The following PBX1 variants were observed in gnomAD, a reference collection of about 807,000 sequenced individuals.
The protein encoded by PBX1 is pre-B-cell leukemia transcription factor 1.
In PBX1, 6 loss-of-function variants were observed where a neutral mutation model predicts 53.4. That is an observed-to-expected ratio of 0.11 (90% CI 0.06 to 0.22). The LOEUF (loss-of-function observed/expected upper bound fraction) is 0.22, where lower values mean the gene tolerates loss of function less well. Ranked by LOEUF, PBX1 falls within the 10% of genes least tolerant of loss-of-function variation. PBX1 has a pLI of 1.00. For synonymous variants in PBX1, 204 were observed against 212.3 expected (o/e 0.96, Z 0.34); for missense variants, 251 against 551.4 (o/e 0.46, Z 5.46).
intron 2 of PBX1, among the ~76,000 whole-genome samples, chr1:164,773,945 T>C (rs1667519275): frequency 6.6e-6 from 1 of 152,218 alleles, no homozygotes; most frequent in African/African-American, 2.4e-5. Flanking sequence ...CGACTCCCCA[T>C]GTTAGTGAAG....
At chr1:164,728,920 C>A (rs571068631) in intron 2 of PBX1, among the ~76,000 whole-genome samples, 13 of 152,334 alleles carry the variant, frequency 8.5e-5, no homozygotes, top group East Asian at 3.9e-4. Context: ...GAATTTGATA[C>A]GCCAAGTGGG....
At chr1:164,598,611 TA>T (rs1655933995) in intron 2 of PBX1, among the ~76,000 whole-genome samples, 2 of 152,248 alleles carry the variant, frequency 1.3e-5, no homozygotes, top group African/African-American at 4.8e-5. Context: ...CAGTATGTGG[TA>T]AATTCCTTGA....
At chr1:164,878,866 C>G (rs1393780632) in intron 2 of PBX1, among the ~76,000 whole-genome samples, 1 of 152,136 alleles carries the variant, frequency 6.6e-6, no homozygotes, top group African/African-American at 2.4e-5. Context: ...TTAGGGTTAA[C>G]TATGAGACAG....
intron 4 of PBX1, among the ~76,000 whole-genome samples, chr1:164,800,929 C>T (rs976453300): frequency 6.6e-6 from 1 of 152,094 alleles, no homozygotes; most frequent in Non-Finnish European, 1.5e-5. Flanking sequence ...TTTATTACTC[C>T]TCTTGAATTT....
At chr1:164,591,011 A>ATTTT (rs34197119) in intron 2 of PBX1, among the ~76,000 whole-genome samples, 9 of 126,948 alleles carry the variant, frequency 7.1e-5, no homozygotes, top group Non-Finnish European at 1.2e-4. Context: ...CACTTGGCTA[A>ATTTT]TTTTTTTTTT....
chr1:164,612,257 G>A (rs1656984775), intron 2 of PBX1, among the ~76,000 whole-genome samples: 2 of 152,140 alleles, frequency 1.3e-5, no homozygotes, highest in African/African-American at 4.8e-5. Context: ...CCTTGTAGAA[G>A]CAGGCTTGGG....
chr1:164,858,317 G>T (rs1372768656), intron 2 of PBX1, among the ~76,000 whole-genome samples: 2 of 152,146 alleles, frequency 1.3e-5, no homozygotes, highest in East Asian at 1.9e-4. Flanking sequence ...TTAGCCTCAG[G>T]TTTGTAAAAA....
At chr1:164,790,709 C>T (rs1439215345) in intron 2 of PBX1, among the ~76,000 whole-genome samples, 1 of 152,226 alleles carries the variant, frequency 6.6e-6, no homozygotes, top group Admixed American at 6.5e-5. Flanking sequence ...TCCTTTTGGC[C>T]TAGGAATTGG....
At chr1:164,839,130 G>A (rs1319096426) in intron 8 of PBX1, among the ~76,000 whole-genome samples, 5 of 152,106 alleles carry the variant, frequency 3.3e-5, no homozygotes, top group Admixed American at 1.3e-4. Flanking sequence ...TGGCTTGTCT[G>A]TTTTCTGTTC....
At chr1:164,829,881 C>T (rs1018833845) in intron 8 of PBX1, 4 of 151,430 alleles carry the variant, frequency 2.6e-5, no homozygotes, top group Non-Finnish European at 5.9e-5. Context: ...AGAATTAATA[C>T]TGATTAGCTG....
intron 1 of PBX1, among the ~76,000 whole-genome samples, chr1:164,561,011 T>A (rs1653002023): frequency 6.6e-6 from 1 of 152,208 alleles, no homozygotes; most frequent in African/African-American, 2.4e-5. Flanking sequence ...TTACAGTAAA[T>A]TCTCTTTTAA....
intron 2 of PBX1, among the ~76,000 whole-genome samples, chr1:164,570,849 C>T (rs1303204331): frequency 6.6e-6 from 1 of 152,220 alleles, no homozygotes; most frequent in Non-Finnish European, 1.5e-5. Flanking sequence ...CCTATTTCTC[C>T]ATATCCTCTC....
chr1:164,619,505 A>G (rs1310443489), intron 2 of PBX1, among the ~76,000 whole-genome samples: 1 of 152,050 alleles, frequency 6.6e-6, no homozygotes, highest in African/African-American at 2.4e-5. Context: ...TGACCTATAC[A>G]AGGCAGTGGG....
chr1:164,799,917 C>T (rs1193017960), intron 4 of PBX1, 28 bp downstream of exon 4: 2 of 1,584,658 alleles, frequency 1.3e-6, no homozygotes, highest in Non-Finnish European at 8.6e-7. Flanking sequence ...CTGTCCTGCC[C>T]TCTCTGGGAG....
chr1:164,571,899 A>G (rs1571241738), intron 2 of PBX1, among the ~76,000 whole-genome samples: 1 of 118,656 alleles, frequency 8.4e-6, no homozygotes, highest in South Asian at 3.0e-4. Context: ...ATATATATAT[A>G]TATATATATA....
At chr1:164,734,387 T>A (rs758734059) in intron 2 of PBX1, among the ~76,000 whole-genome samples, 1 of 152,228 alleles carries the variant, frequency 6.6e-6, no homozygotes, top group Non-Finnish European at 1.5e-5. Context: ...CTACAACCTA[T>A]TATTTCTTGT....
chr1:164,842,217 A>G lies in PBX1; in HGVS notation c.1201-4367A>G, dbSNP rs141304396. ...CCCGTTCTGGTTCAAGGAGGGTGGT[A>G]GAGAAAAGGCAGGGTTTTGGTTGCA... On this transcript the variant is annotated intron_variant, in intron 8 of 8. Transcript: ENST00000420696. 7.2e-4 allele frequency among the ~76,000 whole-genome samples: 109 copies of G among 152,248 alleles called. 1 individual carries two copies. Among genetic ancestry groups the G allele is most frequent in the African/African-American group, 2.5e-3 (105 of 41,560 alleles).
At chr1:164,606,968 G>A (rs1454640192) in intron 2 of PBX1, among the ~76,000 whole-genome samples, 2 of 152,198 alleles carry the variant, frequency 1.3e-5, no homozygotes, top group Non-Finnish European at 2.9e-5. Flanking sequence ...AGTGACGTTG[G>A]AATGGGATTT....
chr1:164,617,343 A>G (rs1037598453), intron 2 of PBX1, among the ~76,000 whole-genome samples: 1 of 152,214 alleles, frequency 6.6e-6, no homozygotes, highest in African/African-American at 2.4e-5. Context: ...GAGATTGTGG[A>G]TAAAATGGCA....
Sources: allele counts gnomAD v4.1 joint callset (sites outside exome capture counted in the v4.1 genomes callset), GRCh38; gene constraint gnomAD v4.1.1; transcripts MANE v1.5; gene names NCBI Gene and HGNC (gene_info 2026-07-23, HGNC 2026-07-21).